The following RBBP6 variants were observed in gnomAD, a reference collection of about 807,000 sequenced individuals.
RBBP6 encodes the protein E3 ubiquitin-protein ligase RBBP6.
RBBP6 carries 25 observed loss-of-function variants against 167.7 expected under a neutral mutation model. The ratio of observed to expected loss-of-function variants is 0.15; its 90% CI spans 0.11 to 0.21. RBBP6 has a LOEUF of 0.21. Ranked by LOEUF, RBBP6 falls within the 10% of genes least tolerant of loss-of-function variation. The pLI is 1.00. For synonymous variants in RBBP6, 789 were observed against 735.8 expected (o/e 1.07, Z -1.17); for missense variants, 1,868 against 2,134.2 (o/e 0.88, Z 2.46).
chr16:24,567,068 G>A (rs1021830888), intron 14 of RBBP6, 75 bp from the exon 15 acceptor site: 16 of 1,440,278 alleles, frequency 1.1e-5, no homozygotes, highest in Non-Finnish European at 1.5e-5. Flanking sequence ...AATAATTATG[G>A]ATAGAAGAGA....
chr16:24,542,606 G>T (rs1898531325), intron 1 of RBBP6, among the ~76,000 whole-genome samples: 1 of 152,062 alleles, frequency 6.6e-6, no homozygotes, highest in South Asian at 2.1e-4. Context: ...CTACAGGCAT[G>T]CGCCACTACA....
At position 24,562,020 on chromosome 16, in the gene RBBP6, C is replaced by G. The variant is rs1463821758; in HGVS notation, c.1148C>G (p.Ser383Cys). ...VTSSSTHPAP[S>C]ISSLTSNQSS... Reference sequence around the variant, plus strand: ...TCTTCATCAACTCACCCAGCTCCGTCTATATCTTCATTAACTTCTAATCAG... The same window carrying G: ...TCTTCATCAACTCACCCAGCTCCGTGTATATCTTCATTAACTTCTAATCAG... The change falls in exon 10 of 18, where the codon TCT (serine) becomes TGT (cysteine). Residue 383 changes from serine to cysteine, a missense_variant. This residue lies in a region of RBBP6 where 245 missense variants were observed against 240.1 expected (regional missense o/e 1.02). Transcript: ENST00000319715. 1.1e-5 allele frequency: 17 copies of G among 1,613,448 alleles called. No individual in the cohort carries two copies. The highest frequency in any genetic ancestry group is 1.4e-5 in the Non-Finnish European group (17 of 1,179,382).
At chr16:24,563,372 T>C in intron 11 of RBBP6, 51 bp from the exon 12 acceptor site, 2 of 673,660 alleles carry the variant, frequency 3.0e-6, no homozygotes, top group East Asian at 1.1e-4. Context: ...TCTTACCTCT[T>C]TTTTTTTTTT....
chr16:24,548,104 A>C (rs890742210), intron 2 of RBBP6, among the ~76,000 whole-genome samples: 1 of 152,052 alleles, frequency 6.6e-6, no homozygotes, highest in Non-Finnish European at 1.5e-5. Context: ...ACATTTCTCT[A>C]TAGTCAAGAT....
chr16:24,558,361 A>AT, intron 7 of RBBP6: 4 of 553,528 alleles, frequency 7.2e-6, no homozygotes, highest in Non-Finnish European at 9.1e-6. Flanking sequence ...TTCTTTTTCT[A>AT]TCCTCTGTTC....
chr16:24,567,543 C>A, intron 15 of RBBP6, 38 bp downstream of exon 15: 1 of 1,544,460 alleles, frequency 6.5e-7, no homozygotes, highest in South Asian at 1.3e-5. Context: ...ACACTTTTTT[C>A]ATTTTCTGAT....
intron 14 of RBBP6, among the ~76,000 whole-genome samples, chr16:24,566,686 G>A (rs533408967): frequency 3.3e-5 from 5 of 152,164 alleles, no homozygotes; most frequent in Non-Finnish European, 7.4e-5. Context: ...AGGTTGCAGT[G>A]AGCCAAGATT....
At position 24,567,039 on chromosome 16, in the gene RBBP6, C is replaced by G. The variant is rs1464284438; in HGVS notation, c.1590-104C>G. ...ACTAGTTGAATAGTTGGTTCTATTC[C>G]ACTGTTTTTAAGTTTGAAAATAATT... On this transcript the variant is annotated intron_variant, in intron 14 of 17. Coordinates refer to ENST00000319715, the MANE Select transcript of RBBP6 (RefSeq NM_006910.5). The G allele has an allele frequency of 4.1e-6, 5 of 1,210,322 alleles. No individual in the cohort carries two copies. In the Admixed American group the frequency reaches 1.3e-4, roughly 31 times the overall value. 75.0% of individuals were successfully genotyped at this position (1,210,322 alleles called of 1,614,324 possible).
At chr16:24,541,167 G>A (rs1898476183) in intron 1 of RBBP6, among the ~76,000 whole-genome samples, 1 of 113,228 alleles carries the variant, frequency 8.8e-6, no homozygotes, top group Non-Finnish European at 1.7e-5. Flanking sequence ...TGCAAAGCTT[G>A]TTTGTTCAAT....
intron 4 of RBBP6, 160 bp downstream of exon 4, chr16:24,553,717 G>C (rs1898852580): frequency 1.2e-5 from 5 of 434,604 alleles, no homozygotes; most frequent in African/African-American, 2.0e-5. Flanking sequence ...GTTTTGAGAA[G>C]ATAGGGGAAT....
chr16:24,570,302 G>T lies in RBBP6; in HGVS notation c.3612G>T (p.Ala1204=). ...TPEKDKISLS[A]PAKKIKLNRE... The stretch of plus-strand genomic sequence containing the variant: ...AAAAGGACAAAATTTCTTTAAGTGC[G>T]CCAGCCAAAAAAATCAAACTCAACA... The change falls in exon 17 of 18, where the codon GCG becomes GCT. Residue 1204 remains alanine, a synonymous_variant. Transcript: ENST00000319715. 1 of 1,609,658 alleles carries T rather than the reference G, an allele frequency of 6.2e-7. No individual in the cohort carries two copies. Among genetic ancestry groups the T allele is most frequent in the Non-Finnish European group, 8.5e-7 (1 of 1,179,138 alleles).
At chr16:24,558,572 A>T (rs1898973923) in intron 7 of RBBP6, 1 of 838,452 alleles carries the variant, frequency 1.2e-6, no homozygotes, top group Admixed American at 6.2e-5. Context: ...TTTCATTTTC[A>T]GCATTGAGAT....
At chr16:24,568,144 A>G (rs931356114) in intron 16 of RBBP6, among the ~76,000 whole-genome samples, 3 of 152,236 alleles carry the variant, frequency 2.0e-5, no homozygotes, top group African/African-American at 7.2e-5. Context: ...CATAGTATCA[A>G]ATAATTGGGA....
Position 24,567,391 on chromosome 16 carries a change from C to A in RBBP6, c.1838C>A (p.Thr613Lys), listed in dbSNP as rs1899220720. Residue 613 changes from threonine to lysine, a missense_variant, in exon 15 of 18, where the codon ACA becomes AAA. Around this residue, in one of 7 missense-constraint regions of RBBP6, gnomAD observed 145 missense variants for 224.3 expected, o/e 0.65. Coordinates refer to ENST00000319715, the MANE Select transcript of RBBP6 (RefSeq NM_006910.5). ...CCTCCAGCTCCTGCCAATTTATCAA[C>A]ACCTTGGGTATCATCAGGAGTGCAG... is the stretch of plus-strand genomic sequence containing the variant. ...GFPPAPANLSTPWVSSGVQTA... is the reference protein window; with the variant it reads ...GFPPAPANLSKPWVSSGVQTA... The A allele has an allele frequency of 6.2e-7, 1 of 1,614,104 alleles. No individual in the cohort carries two copies. Among genetic ancestry groups the A allele is most frequent in the Admixed American group, 1.7e-5 (1 of 60,004 alleles).
At position 24,541,516 on chromosome 16, in the gene RBBP6, A is replaced by T. The variant is rs540629424; in HGVS notation, c.166+724A>T. Among the ~76,000 whole-genome samples the T allele has an allele frequency of 1.1e-4, 17 of 152,228 alleles. No individual in the cohort carries two copies. In the East Asian group the frequency reaches 2.9e-3, roughly 26 times the overall value. ...AATTCGGTGAAGATCAAAAGTACTGATTTTTTTTAAAGTAGTAGTTGCTAG... is the reference window on the plus strand; with the variant it reads ...AATTCGGTGAAGATCAAAAGTACTGTTTTTTTTTAAAGTAGTAGTTGCTAG... On this transcript the variant is annotated intron_variant, in intron 1 of 17. Transcript: ENST00000319715.
Position 24,555,437 on chromosome 16 carries a change from A to G in RBBP6, c.349-178A>G, listed in dbSNP as rs1316434347. 7.2e-6 allele frequency: 4 copies of G among 559,372 alleles called. No individual in the cohort carries two copies. The African/African-American group carries it at 7.6e-5, about 11-fold the overall frequency. 34.7% of individuals were successfully genotyped at this position (559,372 alleles called of 1,614,324 possible). ...TTTCTTCAGCCTTGCAGACACCTAAACATCATGTAATTACCTAAGGAATTC... is the reference window on the plus strand; with the variant it reads ...TTTCTTCAGCCTTGCAGACACCTAAGCATCATGTAATTACCTAAGGAATTC... On this transcript the variant is annotated intron_variant, in intron 4 of 17. Coordinates refer to ENST00000319715, the MANE Select transcript of RBBP6 (RefSeq NM_006910.5).
intron 2 of RBBP6, 54 bp from the exon 3 acceptor site, chr16:24,548,891 C>A: frequency 7.0e-7 from 1 of 1,436,426 alleles, no homozygotes; most frequent in Non-Finnish European, 9.6e-7. Flanking sequence ...AATTTATTAG[C>A]ACAAAAATTC....
At position 24,542,737 on chromosome 16, in the gene RBBP6, A is replaced by G. The variant is rs574091711; in HGVS notation, c.166+1945A>G. On this transcript the variant is annotated intron_variant, in intron 1 of 17. Coordinates refer to ENST00000319715, the MANE Select transcript of RBBP6 (RefSeq NM_006910.5). ...CTGGGTCTCCCAAAGGGCTGGGATT[A>G]CAGGCATGTGAATGCAACTTTAGAC... 7.9e-5 allele frequency among the ~76,000 whole-genome samples: 12 copies of G among 152,352 alleles called. No homozygotes were observed. The East Asian group carries it at 2.3e-3, about 29-fold the overall frequency.
rs747621547 is a variant in RBBP6, at chr16:24,563,595, A to G, written c.1466-15A>G. 1.9e-6 allele frequency: 3 copies of G among 1,612,144 alleles called. No individual in the cohort carries two copies. Among genetic ancestry groups the G allele is most frequent in the South Asian group, 1.1e-5 (1 of 90,970 alleles). On this transcript the variant is annotated splice_polypyrimidine_tract_variant and intron_variant, in intron 12 of 17. Coordinates refer to ENST00000319715, the MANE Select transcript of RBBP6 (RefSeq NM_006910.5). ...AATTTTGTATTTACCTACTGCTTTT[A>G]TTTTTTGTTTCTAGGTCCAGTAAGA... is the stretch of plus-strand genomic sequence containing the variant.
Sources: allele counts gnomAD v4.1 joint callset (sites outside exome capture counted in the v4.1 genomes callset), GRCh38; gene constraint gnomAD v4.1.1; regional missense constraint gnomAD v4.1.1; transcripts MANE v1.5; gene names NCBI Gene and HGNC (gene_info 2026-07-23, HGNC 2026-07-21).